Variants in SAMD13 observed in about 807,000 individuals in gnomAD.
SAMD13 encodes the protein sterile alpha motif domain-containing protein 13.
A neutral mutation model predicts 12.4 loss-of-function variants in SAMD13; 9 were observed. That is an observed-to-expected ratio of 0.72 (90% CI 0.44 to 1.26). SAMD13 has a LOEUF of 1.26. Among genes scored for constraint, SAMD13 ranks in the 50% most tolerant of loss-of-function variants. The probability of loss-of-function intolerance (pLI) is 0.00; values close to 1 mark genes in which losing one functional copy is unlikely to be tolerated. For missense variants in SAMD13, 84 were observed against 119.6 expected, an observed-to-expected ratio of 0.70 and a Z score of 1.39; for synonymous variants, 46 against 45.4, an observed-to-expected ratio of 1.01 and a Z score of -0.05.
intron 2 of SAMD13, among the ~76,000 whole-genome samples, chr1:84,323,848 CT>C (rs1286936523): frequency 6.6e-6 from 1 of 152,162 alleles, no homozygotes; most frequent in African/African-American, 2.4e-5. Flanking sequence ...ATTTCAGTTA[CT>C]GTCTAAATGC....
chr1:84,340,800 A>G (rs1177018179), intron 3 of SAMD13, among the ~76,000 whole-genome samples: 3 of 152,196 alleles, frequency 2.0e-5, no homozygotes, highest in Non-Finnish European at 4.4e-5. Context: ...TGACTGGGCT[A>G]AGAGATGCCC....
Position 84,349,829 on chromosome 1 carries a change from T to A in SAMD13, c.*55T>A. On this transcript the variant is annotated 3_prime_UTR_variant, in exon 4 of 4. Coordinates refer to ENST00000394834, the MANE Select transcript of SAMD13 (RefSeq NM_001134663.2). ...AAAATACATAATGACATAATTTAGT[T>A]TCATGTAATGAAACTTTGTAAACAG... 1 of 1,567,542 alleles carries A rather than the reference T, an allele frequency of 6.4e-7. No individual in the cohort carries two copies. Among genetic ancestry groups the A allele is most frequent in the East Asian group, 2.3e-5 (1 of 44,356 alleles).
intron 1 of SAMD13, chr1:84,302,794 A>G: frequency 3.9e-6 from 2 of 514,190 alleles, no homozygotes; most frequent in Non-Finnish European, 5.0e-6. Flanking sequence ...AAACACAATA[A>G]GAAAAAACAA....
At chr1:84,342,114 C>T (rs765089220) in intron 3 of SAMD13, among the ~76,000 whole-genome samples, 9 of 152,094 alleles carry the variant, frequency 5.9e-5, no homozygotes, top group Admixed American at 1.3e-4. Context: ...GCCTGAGAGA[C>T]GCATGCATCA....
chr1:84,320,178 T>C (rs1473920370), intron 2 of SAMD13, among the ~76,000 whole-genome samples: 1 of 152,188 alleles, frequency 6.6e-6, no homozygotes, highest in African/African-American at 2.4e-5. Flanking sequence ...TAAACTGGTT[T>C]CTTTATAATG....
At chr1:84,316,409 G>C (rs1039077595) in intron 2 of SAMD13, among the ~76,000 whole-genome samples, 1 of 152,064 alleles carries the variant, frequency 6.6e-6, no homozygotes, top group African/African-American at 2.4e-5. Flanking sequence ...TATGGTAAAA[G>C]ATAATCCAGT....
chr1:84,347,686 G>A (rs940709165), intron 3 of SAMD13, among the ~76,000 whole-genome samples: 1 of 152,116 alleles, frequency 6.6e-6, no homozygotes, highest in Non-Finnish European at 1.5e-5. Context: ...GAGCCTGTGT[G>A]CAAGACACAG....
At chr1:84,325,264 C>A (rs139136927) in intron 2 of SAMD13, among the ~76,000 whole-genome samples, 52 of 151,966 alleles carry the variant, frequency 3.4e-4, no homozygotes, top group Middle Eastern at 3.4e-3. Flanking sequence ...AAGGACTTGG[C>A]CTATTGTGGA....
chr1:84,299,663 A>G (rs766047427), upstream of SAMD13: 138 of 917,230 alleles, frequency 1.5e-4, 4 homozygotes, highest in African/African-American at 1.9e-3. Context: ...TAGTGTATAT[A>G]TATATATATA....
chr1:84,334,654 G>C (rs1337830211), intron 3 of SAMD13, among the ~76,000 whole-genome samples: 1 of 152,010 alleles, frequency 6.6e-6, no homozygotes, highest in Non-Finnish European at 1.5e-5. Context: ...ATGTTAGGTT[G>C]GTTAATTTGA....
intron 3 of SAMD13, among the ~76,000 whole-genome samples, chr1:84,348,411 A>G (rs1314590845): frequency 6.6e-6 from 1 of 152,168 alleles, no homozygotes; most frequent in East Asian, 1.9e-4. Context: ...TTGCAGCTAC[A>G]CACGGTGTCC....
intron 3 of SAMD13, among the ~76,000 whole-genome samples, chr1:84,329,576 G>C (rs1236252917): frequency 6.6e-6 from 1 of 152,148 alleles, no homozygotes; most frequent in Non-Finnish European, 1.5e-5. Flanking sequence ...CTGTGGTATG[G>C]AGAAGCAGCT....
chr1:84,304,776 C>A (rs1357336778), intron 2 of SAMD13, among the ~76,000 whole-genome samples: 1 of 152,076 alleles, frequency 6.6e-6, no homozygotes, highest in Non-Finnish European at 1.5e-5. Flanking sequence ...CGCCCCCACA[C>A]ACACACATAT....
upstream of SAMD13, among the ~76,000 whole-genome samples, chr1:84,299,222 C>T (rs1678385945): frequency 6.6e-6 from 1 of 152,072 alleles, no homozygotes; most frequent in Admixed American, 6.5e-5. Flanking sequence ...GCTCCCTAGG[C>T]GAGTCCTTTC....
intron 2 of SAMD13, among the ~76,000 whole-genome samples, chr1:84,316,037 T>C (rs940334327): frequency 9.2e-5 from 14 of 152,190 alleles, no homozygotes; most frequent in African/African-American, 3.4e-4. Flanking sequence ...ATATCTATTA[T>C]GTCCTTCGAC....
At chr1:84,339,008 T>A (rs143098106) in intron 3 of SAMD13, among the ~76,000 whole-genome samples, 11 of 152,328 alleles carry the variant, frequency 7.2e-5, no homozygotes, top group African/African-American at 2.2e-4. Context: ...GCCAGATCAG[T>A]TTGATTCTTC....
intron 3 of SAMD13, among the ~76,000 whole-genome samples, chr1:84,337,567 G>A (rs542962494): frequency 5.9e-4 from 90 of 152,172 alleles, no homozygotes; most frequent in Non-Finnish European, 1.2e-3. Context: ...AGGACCCTGG[G>A]TCTGGCCCAC....
chr1:84,320,981 A>C lies in SAMD13; in HGVS notation c.54-4656A>C, dbSNP rs1207315881. ...ATGTACAGATGCTAGATTTAGAAAA[A>C]CAGTTTCAACTATTTTCTGCCTGCC... On this transcript the variant is annotated intron_variant, in intron 2 of 3. Coordinates refer to ENST00000394834, the MANE Select transcript of SAMD13 (RefSeq NM_001134663.2). 3.3e-5 allele frequency among the ~76,000 whole-genome samples: 5 copies of C among 152,292 alleles called. No individual in the cohort carries two copies. In the East Asian group the frequency reaches 9.6e-4, roughly 29 times the overall value.
At chr1:84,313,837 T>C (rs924355498) in intron 2 of SAMD13, among the ~76,000 whole-genome samples, 2 of 152,188 alleles carry the variant, frequency 1.3e-5, no homozygotes, top group Non-Finnish European at 2.9e-5. Context: ...AAAAAAATTT[T>C]GGAACTAACA....
Sources: allele counts gnomAD v4.1 joint callset (sites outside exome capture counted in the v4.1 genomes callset), GRCh38; gene constraint gnomAD v4.1.1; transcripts MANE v1.5; gene names NCBI Gene and HGNC (gene_info 2026-07-23, HGNC 2026-07-21).